SKAP1: variants seen among roughly 807,000 people sequenced by gnomAD.
The protein encoded by SKAP1 is src kinase associated phosphoprotein 1.
A neutral mutation model predicts 58.5 loss-of-function variants in SKAP1; 44 were observed. That is an observed-to-expected ratio of 0.75 (90% CI 0.59 to 0.97). The LOEUF is 0.97. Ranked by LOEUF, SKAP1 falls within the 50% of genes least tolerant of loss-of-function variation. The pLI, the probability that SKAP1 is intolerant of heterozygous loss-of-function variation, is 0.00. For synonymous variants in SKAP1, 127 were observed against 149.7 expected, an observed-to-expected ratio of 0.85 and a Z score of 1.11; for missense variants, 390 against 435.2, an observed-to-expected ratio of 0.90 and a Z score of 0.92.
chr17:48,239,044 G>A (rs151326034), intron 4 of SKAP1, among the ~76,000 whole-genome samples: 2 of 152,328 alleles, frequency 1.3e-5, no homozygotes, highest in East Asian at 3.9e-4. Flanking sequence ...CAATGACTTA[G>A]TGACTTGAAA....
At chr17:48,421,644 T>C (rs983554011) in intron 1 of SKAP1, among the ~76,000 whole-genome samples, 13 of 152,152 alleles carry the variant, frequency 8.5e-5, no homozygotes, top group African/African-American at 3.1e-4. Context: ...GGAACACTTA[T>C]CTTTCCTGAT....
chr17:48,155,970 C>T (rs538776978), intron 11 of SKAP1, among the ~76,000 whole-genome samples: 276 of 152,314 alleles, frequency 1.8e-3, no homozygotes, highest in African/African-American at 6.3e-3. Flanking sequence ...GAGGGTGATT[C>T]GGCACCTGCC....
rs766998216 is a variant in SKAP1 at position 48,162,532 on chromosome 17, G to A, written c.915C>T (p.Cys305=). ...YASYYQGLWD[C]HGDQPDELSF... Reference sequence around the variant, plus strand: ...ACAGTTCATCTGGCTGGTCACCATGGCAATCCCATAGGCCCTGGTAGTAAC... The same window carrying A: ...ACAGTTCATCTGGCTGGTCACCATGACAATCCCATAGGCCCTGGTAGTAAC... Residue 305 remains cysteine (C), a synonymous_variant, in exon 11 of 13, where the codon TGC becomes TGT. Transcript: ENST00000336915. The A allele has an allele frequency of 6.8e-6, 11 of 1,613,756 alleles. No individual in the cohort carries two copies. The highest frequency in any genetic ancestry group is 9.3e-6 in the Non-Finnish European group (11 of 1,179,874).
chr17:48,257,601 CTCTTT>C (rs956815771), intron 4 of SKAP1, among the ~76,000 whole-genome samples: 6 of 147,578 alleles, frequency 4.1e-5, no homozygotes, highest in Non-Finnish European at 8.9e-5. Flanking sequence ...GCTTAATATA[CTCTTT>C]TCTTTTCTTT....
intron 4 of SKAP1, among the ~76,000 whole-genome samples, chr17:48,271,358 GTTTC>G (rs2065630161): frequency 8.3e-6 from 1 of 120,660 alleles, no homozygotes; most frequent in Admixed American, 8.4e-5. Context: ...TTGTTTCTTT[GTTTC>G]TTTTTTTTTT....
intron 4 of SKAP1, among the ~76,000 whole-genome samples, chr17:48,201,913 T>G (rs2064733009): frequency 6.6e-6 from 1 of 152,230 alleles, no homozygotes; most frequent in African/African-American, 2.4e-5. Flanking sequence ...TGGTCACTGA[T>G]AGTGTTTCCT....
chr17:48,309,663 A>G (rs34736152), intron 4 of SKAP1, among the ~76,000 whole-genome samples: 4,459 of 152,296 alleles, frequency 0.029, 236 homozygotes, highest in African/African-American at 0.1. Context: ...ATACATATTC[A>G]GAGACCAAGA....
intron 4 of SKAP1, among the ~76,000 whole-genome samples, chr17:48,207,932 T>A (rs938012827): frequency 7.9e-5 from 12 of 152,210 alleles, no homozygotes; most frequent in African/African-American, 2.9e-4. Flanking sequence ...TGTCCTAGAA[T>A]GACTTCAGAT....
intron 1 of SKAP1, among the ~76,000 whole-genome samples, chr17:48,407,724 C>T (rs140632384): frequency 0.035 from 5,369 of 152,116 alleles, 138 homozygotes; most frequent in Non-Finnish European, 0.054. Context: ...CATGGTGGCG[C>T]ATGTCTGTAG....
At chr17:48,134,034 C>A (rs2063669979) in intron 12 of SKAP1, among the ~76,000 whole-genome samples, 1 of 151,306 alleles carries the variant, frequency 6.6e-6, no homozygotes, top group South Asian at 2.1e-4. Context: ...ACAAATGGGG[C>A]AAATTTGGCT....
chr17:48,153,894 TAAAAAAAAAAA>T (rs1259590946), intron 11 of SKAP1, among the ~76,000 whole-genome samples: 5 of 99,248 alleles, frequency 5.0e-5, no homozygotes, highest in African/African-American at 1.4e-4. Context: ...GCCCTGAAAT[TAAAAAAAAAAA>T]AAAAAAGAAA....
At chr17:48,369,172 A>AATAAATAAATAC (rs2067051698) in intron 2 of SKAP1, among the ~76,000 whole-genome samples, 1 of 130,774 alleles carries the variant, frequency 7.6e-6, no homozygotes, top group Non-Finnish European at 1.6e-5. Flanking sequence ...TAAATAAATA[A>AATAAATAAATAC]ATAAATATAA....
Position 48,345,965 on chromosome 17 carries a change from C to T in SKAP1, c.220G>A (p.Gly74Arg), listed in dbSNP as rs116419751. 3.2e-4 allele frequency: 510 copies of T among 1,613,530 alleles called. 3 individuals are homozygous for T. In the African/African-American group the frequency reaches 6.1e-3, roughly 19 times the overall value. The change falls in exon 4 of 13, where the codon GGG becomes AGG. Residue 74 changes from glycine to arginine, a missense_variant. Transcript: ENST00000336915. ...GATGTGAGGGACAGGCCAAGAGTCC[C>T]GCTGTGATTATCATCAGAGCTGTCC... ...GQDSSDDNHSGTLGLSLTSDA... is the reference protein window; with the variant it reads ...GQDSSDDNHSRTLGLSLTSDA...
intron 1 of SKAP1, among the ~76,000 whole-genome samples, chr17:48,414,757 C>G (rs1567906033): frequency 6.6e-6 from 1 of 152,026 alleles, no homozygotes; most frequent in Non-Finnish European, 1.5e-5. Flanking sequence ...ATTATCACAC[C>G]CCAGCGAAAA....
intron 3 of SKAP1, among the ~76,000 whole-genome samples, chr17:48,352,120 C>T (rs2066810648): frequency 6.6e-6 from 1 of 150,728 alleles, no homozygotes; most frequent in African/African-American, 2.4e-5. Context: ...TTCTCCTCTC[C>T]CACCCTGTAA....
rs113989507 is a variant in SKAP1 at position 48,372,939 on chromosome 17, A to G, written c.153-9125T>C. Reference sequence around the variant, plus strand: ...ACTGGGATTACAGGCATGAGCCACTATGCCCAGCCCAGGACTACTATTATC... The same window carrying G: ...ACTGGGATTACAGGCATGAGCCACTGTGCCCAGCCCAGGACTACTATTATC... On this transcript the variant is annotated intron_variant, in intron 2 of 12. Transcript: ENST00000336915. Among the ~76,000 whole-genome samples, 3 of 152,290 alleles carry G rather than the reference A, an allele frequency of 2.0e-5. 1 individual carries two copies. Among genetic ancestry groups the G allele is most frequent in the African/African-American group, 7.2e-5 (3 of 41,558 alleles).
Position 48,327,422 on chromosome 17 carries a change from G to A in SKAP1, c.280+18483C>T, listed in dbSNP as rs540104736. 2.0e-5 allele frequency among the ~76,000 whole-genome samples: 3 copies of A among 152,232 alleles called. No homozygotes were observed. In the South Asian group the frequency reaches 6.2e-4, roughly 32 times the overall value. Reference sequence around the variant, plus strand: ...AAATAAATCACGGTTTTCAGACCAGGGTTCCAATACATCTGCACTTTAATT... The same window carrying A: ...AAATAAATCACGGTTTTCAGACCAGAGTTCCAATACATCTGCACTTTAATT... On this transcript the variant is annotated intron_variant, in intron 4 of 12. Coordinates refer to ENST00000336915, the MANE Select transcript of SKAP1 (RefSeq NM_003726.4).
At chr17:48,338,400 C>A (rs1005941649) in intron 4 of SKAP1, among the ~76,000 whole-genome samples, 6 of 152,140 alleles carry the variant, frequency 3.9e-5, no homozygotes, top group Admixed American at 6.5e-5. Context: ...GATCCACTCA[C>A]CTTGGCCTCT....
chr17:48,434,489 C>T (rs1195084421), upstream of SKAP1, among the ~76,000 whole-genome samples: 2 of 152,214 alleles, frequency 1.3e-5, no homozygotes, highest in East Asian at 3.8e-4. Flanking sequence ...CACACAAATA[C>T]ACTTCCAATG....
Sources: gnomAD v4.1 joint callset for allele counts (sites outside exome capture counted in the v4.1 genomes callset) on GRCh38, gnomAD v4.1.1 for gene constraint, MANE v1.5 for transcripts, NCBI Gene and HGNC (gene_info 2026-07-23, HGNC 2026-07-21) for gene names.